ATP8B3: variants seen among roughly 807,000 people sequenced by gnomAD.
ATP8B3 encodes phospholipid-transporting ATPase IK.
A neutral mutation model predicts 140.9 loss-of-function variants in ATP8B3; 141 were observed. That is an observed-to-expected ratio of 1.00 (90% CI 0.87 to 1.15). ATP8B3 has a LOEUF of 1.15. ATP8B3 is among the 50% of genes most tolerant of loss of function. The pLI, the probability that ATP8B3 is intolerant of heterozygous loss-of-function variation, is 0.00. For missense variants in ATP8B3, 1,874 were observed against 1,740.6 expected (o/e 1.08, Z -1.36); for synonymous variants, 765 against 714.6 (o/e 1.07, Z -1.13).
At chr19:1,788,841 G>C in intron 24 of ATP8B3, 56 bp downstream of exon 24, 1 of 1,469,386 alleles carries the variant, frequency 6.8e-7, no homozygotes, top group Non-Finnish European at 9.3e-7. Context: ...AGCTATGGGA[G>C]GGGCAGGGCA....
chr19:1,795,716 T>C (rs1268932949), intron 18 of ATP8B3, among the ~76,000 whole-genome samples, 159 bp downstream of exon 18: 1 of 149,524 alleles, frequency 6.7e-6, no homozygotes, highest in Non-Finnish European at 1.5e-5. Flanking sequence ...TACATAGCCA[T>C]CCCAGGTACC....
chr19:1,795,060 C>A (rs2068623549), intron 18 of ATP8B3, among the ~76,000 whole-genome samples: 1 of 152,014 alleles, frequency 6.6e-6, no homozygotes, highest in Admixed American at 6.6e-5. Context: ...AGTTGGAGAC[C>A]AGCCTGGCAA....
Position 1,796,841 on chromosome 19 carries a change from C to A in ATP8B3, c.1623G>T (p.Lys541Asn). ...GCAGGGCCGCATTGTGGAAGAGCAGCTTCCCGTCGGCGAACTTGTTCCAGA... is the reference window on the plus strand; with the variant it reads ...GCAGGGCCGCATTGTGGAAGAGCAGATTCCCGTCGGCGAACTTGTTCCAGA... The part of the protein sequence containing the change: ...PYLWNKFADG[K>N]LLFHNAALLH... The change falls in exon 16 of 29, where the codon AAG (lysine) becomes AAT (asparagine). Residue 541 changes from lysine (K) to asparagine (N), a missense_variant. Around this residue, in one of 3 missense-constraint regions of ATP8B3, gnomAD observed 1,032 missense variants for 963.6 expected, o/e 1.07. Coordinates refer to ENST00000310127, the MANE Select transcript of ATP8B3 (RefSeq NM_138813.4). The A allele has an allele frequency of 6.2e-7, 1 of 1,612,496 alleles. No homozygotes were observed. Among genetic ancestry groups the A allele is most frequent in the South Asian group, 1.1e-5 (1 of 91,056 alleles).
rs753337884 is a variant in ATP8B3 at position 1,792,111 on chromosome 19, T to C, written c.2080A>G (p.Thr694Ala). ...ACCTCCCTGTAGGCCAGGCACAGTG[T>C]CCGCAGGGTCTCCTGGGCAAAGGCC... ...LAAFAQETLR[T>A]LCLAYREVAE... The change falls in exon 19 of 29, where the codon ACA (threonine) becomes GCA (alanine). Residue 694 changes from threonine (T) to alanine (A), a missense_variant. By Grantham distance (58) the Thr-to-Ala change is moderately conservative. This residue lies in a region of ATP8B3 where 1,032 missense variants were observed against 963.6 expected (regional missense o/e 1.07). Coordinates refer to ENST00000310127, the MANE Select transcript of ATP8B3 (RefSeq NM_138813.4). 2 of 1,577,972 alleles carry C rather than the reference T, an allele frequency of 1.3e-6. No individual in the cohort carries two copies. Among genetic ancestry groups the C allele is most frequent in the South Asian group, 1.1e-5 (1 of 86,990 alleles).
intron 16 of ATP8B3, 130 bp from the exon 17 acceptor site, chr19:1,796,395 A>T (rs2068676813): frequency 1.1e-6 from 1 of 916,348 alleles, no homozygotes; most frequent in South Asian, 1.7e-5. Context: ...CGCCTGTACA[A>T]CCCAATGCAT....
At chr19:1,796,623 A>G in intron 16 of ATP8B3, 88 bp downstream of exon 16, 1 of 1,486,962 alleles carries the variant, frequency 6.7e-7, no homozygotes, top group South Asian at 1.3e-5. Flanking sequence ...AAGCCCTGGA[A>G]GATGGGCCGG....
In ATP8B3 at chr19:1,803,896, CAAAAAA is replaced by C. The variant is rs56937286; in HGVS notation, c.905-1257_905-1252del. Among the ~76,000 whole-genome samples the C allele has an allele frequency of 6.6e-4, 48 of 72,402 alleles. 1 individual carries two copies. The highest frequency in any genetic ancestry group is 2.3e-3 in the African/African-American group (48 of 20,512). 47.5% of individuals were successfully genotyped at this position (72,402 alleles called of 152,430 possible). ...GGGCAACAAGAGCGAGACTCTGTCT[CAAAAAA>C]AAAAAAAAAAAAAAAAAGGAACCTT... is the stretch of plus-strand genomic sequence containing the variant. On this transcript the variant is annotated intron_variant, in intron 10 of 28. Transcript: ENST00000310127.
intron 10 of ATP8B3, 44 bp from the exon 11 acceptor site, chr19:1,802,689 T>A (rs1311685697): frequency 1.3e-6 from 2 of 1,577,610 alleles, no homozygotes; most frequent in South Asian, 2.3e-5. Context: ...GCTCAGGCCC[T>A]CCTCCCCAGG....
At position 1,782,970 on chromosome 19, in the gene ATP8B3, A is replaced by G; in HGVS notation, c.*58T>C. The G allele has an allele frequency of 6.5e-7, 1 of 1,547,500 alleles. No individual in the cohort carries two copies. The highest frequency in any genetic ancestry group is 8.7e-7 in the Non-Finnish European group (1 of 1,144,014). ...GGGGGGAGCTGTACTTCCTGGGAGGACACCTGCCCCTGTGGCTGGTGCTTC... is the reference window on the plus strand; with the variant it reads ...GGGGGGAGCTGTACTTCCTGGGAGGGCACCTGCCCCTGTGGCTGGTGCTTC... On this transcript the variant is annotated 3_prime_UTR_variant, in exon 29 of 29. Coordinates refer to ENST00000310127, the MANE Select transcript of ATP8B3 (RefSeq NM_138813.4).
rs751813013 is a variant in ATP8B3, at chr19:1,807,312, C to G, written c.517-46G>C. ...GAAGGGTCACACCAGCCCACTCCCC[C>G]GTCCCCTGCCCTTCCACCAAGCCGA... On this transcript the variant is annotated intron_variant, in intron 5 of 28. Coordinates refer to ENST00000310127, the MANE Select transcript of ATP8B3 (RefSeq NM_138813.4). This position sits in a 1 kb window ranked among gnomAD's most constrained non-coding sequence, Gnocchi z 5.9. 6 of 1,502,280 alleles carry G rather than the reference C, an allele frequency of 4.0e-6. No homozygotes were observed. Among genetic ancestry groups the G allele is most frequent in the Middle Eastern group, 1.7e-4 (1 of 5,826 alleles). 93.1% of individuals were successfully genotyped at this position (1,502,280 alleles called of 1,614,324 possible). A position where few individuals can be genotyped will look rare whatever the true frequency, so the allele number is the denominator to read the frequency against.
Position 1,806,960 on chromosome 19 carries a change from C to G in ATP8B3, c.615+208G>C, listed in dbSNP as rs547449643. On this transcript the variant is annotated intron_variant, in intron 6 of 28. Coordinates refer to ENST00000310127, the MANE Select transcript of ATP8B3 (RefSeq NM_138813.4). This position sits in a 1 kb window ranked among gnomAD's most constrained non-coding sequence, Gnocchi z 5.6. ...GCTCAATGGCCCCAAAACCACGCAC[C>G]GACAGAGCCAACGCCACCTGCGGCA... Among the ~76,000 whole-genome samples the G allele has an allele frequency of 6.6e-6, 1 of 152,140 alleles. No homozygotes were observed. Among genetic ancestry groups the G allele is most frequent in the African/African-American group, 2.4e-5 (1 of 41,426 alleles).
At chr19:1,791,001 T>G (rs1002578749) in intron 20 of ATP8B3, among the ~76,000 whole-genome samples, 169 bp from the exon 21 acceptor site, 1 of 151,962 alleles carries the variant, frequency 6.6e-6, no homozygotes, top group Non-Finnish European at 1.5e-5. Context: ...GGCTCACCAA[T>G]GAGAGCCAGC....
Position 1,796,281 on chromosome 19 carries a change from G to A in ATP8B3, c.1754-16C>T. 6.9e-6 allele frequency: 11 copies of A among 1,592,622 alleles called. No individual in the cohort carries two copies. The highest frequency in any genetic ancestry group is 9.4e-6 in the Non-Finnish European group (11 of 1,171,582). On this transcript the variant is annotated splice_polypyrimidine_tract_variant and intron_variant, in intron 16 of 28. Coordinates refer to ENST00000310127, the MANE Select transcript of ATP8B3 (RefSeq NM_138813.4). ...AACAGCTGGTCTGGTAGGGAGGGGG[G>A]CCATTTTGGGGTCACGTGGTGGAGC...
At chr19:1,797,235 G>C (rs1183843188) in intron 14 of ATP8B3, among the ~76,000 whole-genome samples, 1 of 151,966 alleles carries the variant, frequency 6.6e-6, no homozygotes, top group Non-Finnish European at 1.5e-5. Flanking sequence ...TGTCTCCCAG[G>C]GACCCCAAAA....
At chr19:1,786,727 T>C (rs1387592369) in intron 25 of ATP8B3, among the ~76,000 whole-genome samples, 1 of 152,130 alleles carries the variant, frequency 6.6e-6, no homozygotes, top group Non-Finnish European at 1.5e-5. Flanking sequence ...TCTGGAACGT[T>C]CCATGTGACC....
chr19:1,797,019 C>A lies in ATP8B3; in HGVS notation c.1553-14G>T, dbSNP rs572748533. The A allele has an allele frequency of 1.2e-4, 199 of 1,613,034 alleles. 2 individuals are homozygous for A. The South Asian group carries it at 2.1e-3, about 17-fold the overall frequency. On this transcript the variant is annotated splice_polypyrimidine_tract_variant and intron_variant, in intron 14 of 28. Coordinates refer to ENST00000310127, the MANE Select transcript of ATP8B3 (RefSeq NM_138813.4). ...CTGAATCCGGCCCTGGGGAAAGACA[C>A]AGCTTCCTGCTTCAGCTCCCACAGG...
intron 18 of ATP8B3, among the ~76,000 whole-genome samples, chr19:1,793,080 TTC>T (rs2068565134): frequency 6.7e-6 from 1 of 149,212 alleles, no homozygotes; most frequent in African/African-American, 2.5e-5. Context: ...GCACAGCAAA[TTC>T]TTTTTTTTTT....
intron 22 of ATP8B3, 34 bp from the exon 23 acceptor site, chr19:1,789,761 G>A: frequency 1.3e-6 from 2 of 1,539,434 alleles, no homozygotes; most frequent in Non-Finnish European, 8.7e-7. Context: ...GCCAGGCGCC[G>A]TGGCCTCCAG....
In ATP8B3 at chr19:1,787,728, TAAAAAAAAAAAAAAAA is replaced by T. The variant is rs561418063; in HGVS notation, c.3070-558_3070-543del. Among the ~76,000 whole-genome samples the T allele has an allele frequency of 6.9e-3, 822 of 119,764 alleles. 12 individuals are homozygous for T. Among genetic ancestry groups the T allele is most frequent in the Middle Eastern group, 0.019 (4 of 214 alleles). 78.6% of individuals were successfully genotyped at this position (119,764 alleles called of 152,430 possible). A position where few individuals can be genotyped will look rare whatever the true frequency, so the allele number is the denominator to read the frequency against. ...TGGGCAACAAGTGTGAAACTCTGTC[TAAAAAAAAAAAAAAAA>T]AAAAAAAAAAAAAAAAACGCTGGGT... On this transcript the variant is annotated intron_variant, in intron 24 of 28. Transcript: ENST00000310127.
Sources: allele counts gnomAD v4.1 joint callset (sites outside exome capture counted in the v4.1 genomes callset), GRCh38; gene constraint gnomAD v4.1.1; regional missense constraint gnomAD v4.1.1; non-coding constraint Gnocchi (gnomAD v3.1); transcripts MANE v1.5; gene names NCBI Gene and HGNC (gene_info 2026-07-23, HGNC 2026-07-21).